Variants in TCF12 observed in about 807,000 individuals in gnomAD.
TCF12 encodes the protein transcription factor 12.
A neutral mutation model predicts 86.0 loss-of-function variants in TCF12; 45 were observed. That is an observed-to-expected ratio of 0.52 (90% CI 0.41 to 0.67). TCF12 has a LOEUF of 0.67. Ranked by LOEUF, TCF12 falls within the 30% of genes least tolerant of loss-of-function variation. The pLI is 0.00. For missense variants in TCF12, 881 were observed against 859.9 expected (o/e 1.02, Z -0.31); for synonymous variants, 330 against 299.6 (o/e 1.10, Z -1.05).
chr15:57,099,999 A>G (rs977426273), intron 5 of TCF12, among the ~76,000 whole-genome samples: 5 of 152,174 alleles, frequency 3.3e-5, no homozygotes, highest in Admixed American at 2.0e-4. Context: ...TTGTTTATCC[A>G]GTGCATTTCC....
At chr15:57,253,517 C>A in intron 16 of TCF12, 49 bp downstream of exon 16, 1 of 1,586,634 alleles carries the variant, frequency 6.3e-7, no homozygotes. Context: ...GATTCTTGTC[C>A]TAAATGTCTT....
At chr15:57,072,922 A>AGTG (rs2069535918) in intron 4 of TCF12, among the ~76,000 whole-genome samples, 2 of 152,234 alleles carry the variant, frequency 1.3e-5, no homozygotes, top group African/African-American at 2.4e-5. Context: ...TTATAACCTA[A>AGTG]ATGTTTTTGG....
At chr15:57,124,360 A>C (rs1390710511) in intron 5 of TCF12, among the ~76,000 whole-genome samples, 1 of 152,180 alleles carries the variant, frequency 6.6e-6, no homozygotes, top group African/African-American at 2.4e-5. Context: ...AACAATGCTG[A>C]GACTGGCTAG....
intron 5 of TCF12, among the ~76,000 whole-genome samples, chr15:57,111,063 A>G (rs1246352994): frequency 6.6e-6 from 1 of 152,176 alleles, no homozygotes; most frequent in Non-Finnish European, 1.5e-5. Context: ...TGGACTTTAA[A>G]TGGAATCATC....
chr15:56,983,170 C>T (rs2062978136), intron 3 of TCF12, among the ~76,000 whole-genome samples: 1 of 152,222 alleles, frequency 6.6e-6, no homozygotes, highest in African/African-American at 2.4e-5. Flanking sequence ...GTATTCAACT[C>T]TGTCCTGTTA....
chr15:57,226,575 G>C (rs1242927540), intron 8 of TCF12, among the ~76,000 whole-genome samples: 2 of 152,138 alleles, frequency 1.3e-5, no homozygotes, highest in South Asian at 2.1e-4. Flanking sequence ...CCCAAACATA[G>C]TGAAATCTTG....
intron 12 of TCF12, among the ~76,000 whole-genome samples, chr15:57,237,146 A>ACTGT (rs2059414213): frequency 2.7e-5 from 4 of 150,262 alleles, no homozygotes; most frequent in Non-Finnish European, 4.4e-5. Flanking sequence ...AGAGAGAGAG[A>ACTGT]GAGTGTGTGT....
intron 5 of TCF12, among the ~76,000 whole-genome samples, chr15:57,165,078 G>A (rs75458567): frequency 2.3e-3 from 353 of 151,908 alleles, no homozygotes; most frequent in Non-Finnish European, 4.3e-3. Context: ...CTGAAAGTTC[G>A]CATCCTTTAA....
chr15:57,233,199 G>GTC (rs368357883), intron 11 of TCF12, among the ~76,000 whole-genome samples: 4 of 151,310 alleles, frequency 2.6e-5, no homozygotes, highest in South Asian at 4.2e-4. Flanking sequence ...TTGAGACAGA[G>GTC]TCTCTCTCTC....
intron 5 of TCF12, among the ~76,000 whole-genome samples, chr15:57,157,190 A>G (rs1241735137): frequency 4.6e-5 from 7 of 152,120 alleles, no homozygotes; most frequent in African/African-American, 1.7e-4. Context: ...CCATTAAATT[A>G]TTTTAAATCG....
chr15:56,932,128 T>C (rs1288163948), intron 3 of TCF12, among the ~76,000 whole-genome samples: 2 of 152,152 alleles, frequency 1.3e-5, no homozygotes, highest in African/African-American at 4.8e-5. Flanking sequence ...TAAGTTATAA[T>C]AGCAGTAGGA....
At chr15:57,282,174 G>A (rs1168036586) in intron 19 of TCF12, 1 of 452,502 alleles carries the variant, frequency 2.2e-6, no homozygotes, top group South Asian at 2.2e-5. Flanking sequence ...CAAAATGTTT[G>A]AGTGAAGAGT....
intron 11 of TCF12, 41 bp from the exon 12 acceptor site, chr15:57,234,002 G>T: frequency 6.5e-7 from 1 of 1,542,414 alleles, no homozygotes; most frequent in East Asian, 2.3e-5. Flanking sequence ...TATAATACTT[G>T]CTTGTAAAAT....
intron 6 of TCF12, among the ~76,000 whole-genome samples, chr15:57,186,603 C>A (rs1024922599): frequency 2.6e-5 from 4 of 152,188 alleles, no homozygotes; most frequent in Non-Finnish European, 4.4e-5. Flanking sequence ...CTAATTAATT[C>A]TGTGAAGCCA....
intron 3 of TCF12, among the ~76,000 whole-genome samples, chr15:56,942,274 A>G (rs1567139396): frequency 6.6e-6 from 1 of 152,260 alleles, no homozygotes; most frequent in Non-Finnish European, 1.5e-5. Flanking sequence ...GTTTGTAAAC[A>G]CATTTCAAAA....
chr15:57,266,153 A>G (rs1465861630), intron 18 of TCF12, among the ~76,000 whole-genome samples: 2 of 151,990 alleles, frequency 1.3e-5, no homozygotes, highest in Non-Finnish European at 2.9e-5. Flanking sequence ...GCTGTCACCC[A>G]GGCTGGAATG....
At chr15:57,072,617 A>T (rs890125818) in intron 4 of TCF12, 4 of 1,272,710 alleles carry the variant, frequency 3.1e-6, no homozygotes, top group Non-Finnish European at 4.1e-6. Flanking sequence ...AGGACACACG[A>T]ATTTTGAAAT....
At chr15:57,064,751 A>G (rs1438802515) in intron 4 of TCF12, among the ~76,000 whole-genome samples, 2 of 143,210 alleles carry the variant, frequency 1.4e-5, no homozygotes, top group African/African-American at 2.6e-5. Flanking sequence ...AGCCAAGATC[A>G]TGCCACTGGA....
intron 12 of TCF12, among the ~76,000 whole-genome samples, chr15:57,236,797 A>G (rs1262969038): frequency 6.6e-6 from 1 of 152,056 alleles, no homozygotes; most frequent in East Asian, 1.9e-4. Flanking sequence ...GTATTTACAC[A>G]AAGTTCCCAA....
Sources: allele counts gnomAD v4.1 joint callset (sites outside exome capture counted in the v4.1 genomes callset), GRCh38; gene constraint gnomAD v4.1.1; transcripts MANE v1.5; gene names NCBI Gene and HGNC (gene_info 2026-07-23, HGNC 2026-07-21).